Variants in COA8 observed in about 807,000 individuals in gnomAD.
The protein encoded by COA8 is UPF0671 protein C14orf153.
A neutral mutation model predicts 22.0 loss-of-function variants in COA8; 20 were observed. The ratio of observed to expected loss-of-function variants is 0.91; its 90% CI spans 0.64 to 1.32. The LOEUF (loss-of-function observed/expected upper bound fraction) is 1.32, where lower values mean the gene tolerates loss of function less well. Ranked by LOEUF, COA8 falls within the 40% of genes most tolerant of loss-of-function variation. The pLI is 0.00. For missense variants in COA8, 266 were observed against 230.0 expected (o/e 1.16, Z -1.01); for synonymous variants, 105 against 79.9 (o/e 1.31, Z -1.68).
At chr14:103,583,272 G>A (rs2076281114) in intron 3 of COA8, among the ~76,000 whole-genome samples, 1 of 152,086 alleles carries the variant, frequency 6.6e-6, no homozygotes, top group Admixed American at 6.6e-5. Context: ...TGGCGCGGTG[G>A]CTCACGCCTG....
intron 3 of COA8, among the ~76,000 whole-genome samples, chr14:103,585,559 G>A (rs1038692569): frequency 2.0e-5 from 3 of 147,270 alleles, no homozygotes; most frequent in South Asian, 2.1e-4. Flanking sequence ...TTTTTCTCCC[G>A]TTCTATAGGT....
intron 3 of COA8, chr14:103,574,626 C>T (rs1448299564): frequency 8.5e-6 from 3 of 352,496 alleles, no homozygotes; most frequent in South Asian, 4.4e-5. Flanking sequence ...CCAAAATCAT[C>T]GACCCCAAAA....
chr14:103,571,523 C>A, intron 1 of COA8, 100 bp from the exon 2 acceptor site: 1 of 1,221,146 alleles, frequency 8.2e-7, no homozygotes, highest in Non-Finnish European at 1.2e-6. Flanking sequence ...GGCAACAGAG[C>A]GAGACTCCGT....
intron 1 of COA8, among the ~76,000 whole-genome samples, chr14:103,568,282 G>A (rs2076150215): frequency 6.6e-6 from 1 of 152,158 alleles, no homozygotes. Flanking sequence ...AGAGATGCTG[G>A]GGTGGGAGTG....
At chr14:103,570,509 G>GGA (rs2076175022) in intron 1 of COA8, among the ~76,000 whole-genome samples, 2 of 152,130 alleles carry the variant, frequency 1.3e-5, no homozygotes, top group Non-Finnish European at 2.9e-5. Context: ...GAGGCAGGCA[G>GGA]ATCACCTGAG....
At chr14:103,589,782 C>T (rs190125444) in intron 4 of COA8, among the ~76,000 whole-genome samples, 4 of 151,560 alleles carry the variant, frequency 2.6e-5, no homozygotes, top group Non-Finnish European at 2.9e-5. Context: ...GGTGTGGTGG[C>T]GGGCGCCTGT....
chr14:103,580,931 G>T (rs900547451), intron 3 of COA8, among the ~76,000 whole-genome samples: 7 of 152,036 alleles, frequency 4.6e-5, no homozygotes, highest in African/African-American at 1.7e-4. Context: ...TGAGTAGCTG[G>T]CATTATAGGC....
chr14:103,590,492 C>T lies in COA8; in HGVS notation c.*206C>T, dbSNP rs539008651. ...TGTGGGCTCTAGGCCAGCTTGTTGT[C>T]ACGTACGTGGTGTGAAATAAAGCCC... is the stretch of plus-strand genomic sequence containing the variant. On this transcript the variant is annotated 3_prime_UTR_variant, in exon 5 of 5. Coordinates refer to ENST00000409074, the MANE Select transcript of COA8 (RefSeq NM_001370595.2). The T allele has an allele frequency of 3.8e-6, 2 of 525,502 alleles. No homozygotes were observed. Among genetic ancestry groups the T allele is most frequent in the African/African-American group, 1.9e-5 (1 of 51,532 alleles). 32.6% of individuals were successfully genotyped at this position (525,502 alleles called of 1,614,324 possible).
At chr14:103,576,919 A>T (rs747307668) in intron 3 of COA8, among the ~76,000 whole-genome samples, 69 of 152,236 alleles carry the variant, frequency 4.5e-4, no homozygotes, top group Non-Finnish European at 8.5e-4. Context: ...TGTCCCGGAA[A>T]TGTGAGGAAG....
chr14:103,576,247 G>C (rs190721530), intron 3 of COA8, among the ~76,000 whole-genome samples: 1 of 152,062 alleles, frequency 6.6e-6, no homozygotes, highest in Non-Finnish European at 1.5e-5. Context: ...CGGAGGTTGC[G>C]GTGAGCCGAG....
At chr14:103,574,700 G>T in intron 3 of COA8, 1 of 308,770 alleles carries the variant, frequency 3.2e-6, no homozygotes, top group Non-Finnish European at 6.3e-6. Flanking sequence ...TGATTCATTT[G>T]GAATAAAGGG....
intron 3 of COA8, among the ~76,000 whole-genome samples, chr14:103,578,625 T>G (rs2076245831): frequency 1.3e-5 from 2 of 152,218 alleles, no homozygotes; most frequent in South Asian, 4.1e-4. Context: ...GTTTTGCCTC[T>G]TTCCCTGAAC....
At chr14:103,584,905 C>A (rs1408502533) in intron 3 of COA8, among the ~76,000 whole-genome samples, 1 of 152,074 alleles carries the variant, frequency 6.6e-6, no homozygotes, top group Non-Finnish European at 1.5e-5. Flanking sequence ...TCTGGGAGGC[C>A]AAGGCGGGCG....
Position 103,571,700 on chromosome 14 carries a change from T to C in COA8, c.201T>C (p.Pro67=), listed in dbSNP as rs199776531. 1.2e-5 allele frequency: 19 copies of C among 1,614,228 alleles called. No individual in the cohort carries two copies. In the East Asian group the frequency reaches 2.0e-4, roughly 17 times the overall value. ...GPPDKYSNLR[P]VHFYIPENES... ...CAGATAAATATTCAAACCTTCGACC[T>C]GTTCACTTTTACATACCTGAAAATG... Residue 67 remains proline (P), a synonymous_variant, in exon 2 of 5, where the codon CCT becomes CCC. Coordinates refer to ENST00000409074, the MANE Select transcript of COA8 (RefSeq NM_001370595.2).
chr14:103,569,749 C>G (rs2076167675), intron 1 of COA8, among the ~76,000 whole-genome samples: 1 of 152,170 alleles, frequency 6.6e-6, no homozygotes, highest in Non-Finnish European at 1.5e-5. Flanking sequence ...ATCACAGATG[C>G]AAAGACTTGG....
chr14:103,563,019 G>A lies in COA8; in HGVS notation c.18G>A (p.Ala6=). MVVLR[A]GKKTFLPPLC... ...GTGGGGCCATGGTGGTCTTGCGGGCGGGGAAGAAGACCTTTCTCCCCCCTC... is the reference window on the plus strand; with the variant it reads ...GTGGGGCCATGGTGGTCTTGCGGGCAGGGAAGAAGACCTTTCTCCCCCCTC... The change falls in exon 1 of 5, where the codon GCG becomes GCA. Residue 6 remains alanine, a synonymous_variant. Transcript: ENST00000409074. 1 of 1,557,390 alleles carries A rather than the reference G, an allele frequency of 6.4e-7. No individual in the cohort carries two copies. The highest frequency in any genetic ancestry group is 8.6e-7 in the Non-Finnish European group (1 of 1,157,626).
Position 103,563,064 on chromosome 14 carries a change from C to T in COA8, c.63C>T (p.Cys21=), listed in dbSNP as rs1437155295. The change falls in exon 1 of 5, where the codon TGC becomes TGT. Residue 21 remains cysteine (C), a synonymous_variant. Transcript: ENST00000409074. The part of the protein sequence containing the change: ...FLPPLCRAFA[C]RGCQLAPERG... ...CCCCTCTCTGCCGCGCCTTCGCCTGCCGCGGCTGTCAACTCGCTCCGGAGC... is the reference window on the plus strand; with the variant it reads ...CCCCTCTCTGCCGCGCCTTCGCCTGTCGCGGCTGTCAACTCGCTCCGGAGC... 3 of 1,541,080 alleles carry T rather than the reference C, an allele frequency of 1.9e-6. No homozygotes were observed. Among genetic ancestry groups the T allele is most frequent in the Admixed American group, 1.9e-5 (1 of 51,686 alleles).
chr14:103,563,544 T>C (rs2076109993), intron 1 of COA8, among the ~76,000 whole-genome samples: 1 of 152,244 alleles, frequency 6.6e-6, no homozygotes, highest in Admixed American at 6.5e-5. Flanking sequence ...CATCGTACTT[T>C]TGTAGCACTT....
At chr14:103,588,167 A>G (rs1377430753) in intron 4 of COA8, 2 of 372,640 alleles carry the variant, frequency 5.4e-6, no homozygotes, top group Non-Finnish European at 9.6e-6. Flanking sequence ...ACAGATAATA[A>G]TGACCTGTAT....
Sources: allele counts gnomAD v4.1 joint callset (sites outside exome capture counted in the v4.1 genomes callset), GRCh38; gene constraint gnomAD v4.1.1; transcripts MANE v1.5; gene names NCBI Gene and HGNC (gene_info 2026-07-23, HGNC 2026-07-21).